ARID1B: variants seen among roughly 807,000 people sequenced by gnomAD.
ARID1B encodes AT-rich interaction domain 1B, also known as AT-rich interactive domain-containing protein 1B.
Under a neutral mutation model 212.3 loss-of-function variants are expected in ARID1B, and 30 were observed. The ratio of observed to expected loss-of-function variants is 0.14; its 90% confidence interval spans 0.11 to 0.19. The LOEUF (loss-of-function observed/expected upper bound fraction) is 0.19, where lower values mean the gene tolerates loss of function less well. Ranked by LOEUF, ARID1B falls within the 10% of genes least tolerant of loss-of-function variation. ARID1B has a pLI of 1.00. For synonymous variants in ARID1B, 1,402 were observed against 1,301.7 expected, an observed-to-expected ratio of 1.08 and a Z score of -1.66; for missense variants, 2,891 against 3,204.0, an observed-to-expected ratio of 0.90 and a Z score of 2.36.
chr6:157,039,468 C>T (rs1266906366), intron 4 of ARID1B, among the ~76,000 whole-genome samples: 3 of 151,182 alleles, frequency 2.0e-5, no homozygotes, highest in Non-Finnish European at 3.0e-5. Context: ...GTAGCTGGGA[C>T]TACAGGCGCC....
rs1202048112 is a variant in ARID1B, at chr6:157,210,100, TC to T, written c.*2210del. The T allele has an allele frequency of 4.3e-6, 1 of 232,584 alleles. No individual in the cohort carries two copies. The highest frequency in any genetic ancestry group is 8.5e-6 in the Non-Finnish European group (1 of 117,790). The allele number at this position is 232,584 out of a possible 1,614,324, so 14.4% of individuals were successfully genotyped here. A position where few individuals can be genotyped will look rare whatever the true frequency, so the allele number is the denominator to read the frequency against. On this transcript the variant is annotated 3_prime_UTR_variant, in exon 20 of 20. Coordinates refer to ENST00000636930, the MANE Select transcript of ARID1B (RefSeq NM_001374828.1). Reference sequence around the variant, plus strand: ...CTCTCCAGTGTCACGAGGAAAAAAATCATCTTTTCTGCAAACAGTCTCTCAT... The same window carrying T: ...CTCTCCAGTGTCACGAGGAAAAAAATATCTTTTCTGCAAACAGTCTCTCAT...
intron 3 of ARID1B, among the ~76,000 whole-genome samples, chr6:156,906,496 G>A (rs1220857940): frequency 6.3e-5 from 8 of 125,986 alleles, no homozygotes; most frequent in Admixed American, 1.1e-4. Flanking sequence ...GAGGAACTGA[G>A]ATCGTGCCAT....
In ARID1B at chr6:157,136,422, G is replaced by A. The variant is rs539309813; in HGVS notation, c.2761+3215G>A. On this transcript the variant is annotated intron_variant, in intron 7 of 19. Transcript: ENST00000636930. ...AACTGACTTACGAGGGGCCTCTCGC[G>A]TGGTCATTGGCGGTGTTGCTTCCCA... 3.7e-4 allele frequency among the ~76,000 whole-genome samples: 57 copies of A among 152,248 alleles called. 1 individual carries two copies. In the South Asian group the frequency reaches 8.1e-3, roughly 22 times the overall value.
At chr6:157,050,691 T>A (rs569068881) in intron 4 of ARID1B, among the ~76,000 whole-genome samples, 46 of 152,304 alleles carry the variant, frequency 3.0e-4, no homozygotes, top group Non-Finnish European at 5.3e-4. Flanking sequence ...AAAGTTAATT[T>A]TTTTGTTTTA....
intron 2 of ARID1B, among the ~76,000 whole-genome samples, chr6:156,872,596 C>T (rs192323836): frequency 6.6e-6 from 1 of 152,166 alleles, no homozygotes; most frequent in Non-Finnish European, 1.5e-5. Context: ...GCTGAGCCAC[C>T]TCCCAAGGTG....
At chr6:156,845,176 T>A (rs569018029) in intron 2 of ARID1B, among the ~76,000 whole-genome samples, 1 of 152,318 alleles carries the variant, frequency 6.6e-6, no homozygotes, top group Admixed American at 6.5e-5. Context: ...AGTAAGCACT[T>A]TGCATGTTGT....
intron 15 of ARID1B, among the ~76,000 whole-genome samples, chr6:157,193,083 A>G (rs780614831): frequency 2.0e-4 from 30 of 151,988 alleles, no homozygotes; most frequent in Non-Finnish European, 3.8e-4. Context: ...TCCTTACTTC[A>G]CTGATTGAGG....
At chr6:157,087,911 C>G (rs1785054288) in intron 5 of ARID1B, among the ~76,000 whole-genome samples, 1 of 152,124 alleles carries the variant, frequency 6.6e-6, no homozygotes, top group Admixed American at 6.5e-5. Flanking sequence ...AACAGAATTT[C>G]TACTGTTGTC....
At chr6:157,027,944 T>C (rs534289468) in intron 4 of ARID1B, among the ~76,000 whole-genome samples, 2 of 152,364 alleles carry the variant, frequency 1.3e-5, no homozygotes, top group East Asian at 3.9e-4. Context: ...TTTTTAAATG[T>C]AAGATTTTCC....
chr6:156,907,523 T>C (rs1343677192), intron 3 of ARID1B, among the ~76,000 whole-genome samples: 1 of 152,152 alleles, frequency 6.6e-6, no homozygotes, highest in Non-Finnish European at 1.5e-5. Context: ...TAACATTTGT[T>C]TTAGGTTTCT....
At chr6:156,991,420 T>C (rs1451360034) in intron 4 of ARID1B, among the ~76,000 whole-genome samples, 1 of 152,024 alleles carries the variant, frequency 6.6e-6, no homozygotes, top group East Asian at 1.9e-4. Context: ...TTAGTAGAGA[T>C]GGGGTTTCAC....
At chr6:157,024,378 A>G (rs1349717766) in intron 4 of ARID1B, 3 of 152,284 alleles carry the variant, frequency 2.0e-5, no homozygotes, top group South Asian at 2.1e-4. Context: ...GCAGATTTGT[A>G]TGAACAAAAT....
At chr6:157,146,606 T>G (rs1789742364) in intron 7 of ARID1B, among the ~76,000 whole-genome samples, 1 of 152,186 alleles carries the variant, frequency 6.6e-6, no homozygotes, top group South Asian at 2.1e-4. Context: ...CTTGCTGCTT[T>G]ACTGCACACA....
chr6:156,893,646 T>C (rs75280925), intron 2 of ARID1B, among the ~76,000 whole-genome samples: 2,956 of 152,128 alleles, frequency 0.019, 51 homozygotes, highest in Admixed American at 0.038. Context: ...CCAAAGAAGA[T>C]ATATACATGG....
intron 1 of ARID1B, among the ~76,000 whole-genome samples, chr6:156,799,961 A>G (rs1403681067): frequency 6.6e-6 from 1 of 152,172 alleles, no homozygotes; most frequent in African/African-American, 2.4e-5. Flanking sequence ...CCTAGGTGAC[A>G]TGGCTCTAAG....
At chr6:157,152,882 T>C (rs954560846) in intron 8 of ARID1B, among the ~76,000 whole-genome samples, 1 of 152,216 alleles carries the variant, frequency 6.6e-6, no homozygotes, top group Non-Finnish European at 1.5e-5. Flanking sequence ...TTCACAGAGC[T>C]TGTCAGAATG....
rs146228398 is a variant in ARID1B at position 156,860,289 on chromosome 6, A to G, written c.1986+30868A>G. 6.1e-3 allele frequency among the ~76,000 whole-genome samples: 927 copies of G among 152,056 alleles called. 6 individuals carry two copies. The highest frequency in any genetic ancestry group is 0.011 in the Non-Finnish European group (740 of 67,980). On this transcript the variant is annotated intron_variant, in intron 2 of 19. Transcript: ENST00000636930. ...ATGTTCAGAATTTATTATAGATAAT[A>G]TAGAGGAAGGATTTTGAATTGTTCA...
At chr6:156,879,458 C>T (rs538436817) in intron 2 of ARID1B, among the ~76,000 whole-genome samples, 66 of 152,170 alleles carry the variant, frequency 4.3e-4, no homozygotes, top group Non-Finnish European at 7.8e-4. Flanking sequence ...ATGAGAGTAT[C>T]GTAAATTAAG....
Position 156,777,865 on chromosome 6 carries a change from G to T in ARID1B, c.185G>T (p.Gly62Val), listed in dbSNP as rs1778738079. 7.4e-7 allele frequency: 1 copy of T among 1,345,264 alleles called. No individual in the cohort carries two copies. Among genetic ancestry groups the T allele is most frequent in the East Asian group, 3.1e-5 (1 of 32,104 alleles). The allele number at this position is 1,345,264 out of a possible 1,614,324, so 83.3% of individuals were successfully genotyped here. Residue 62 changes from glycine to valine, a missense_variant, in exon 1 of 20, where the codon GGC (glycine) becomes GTC (valine). Around this residue, in one of 7 missense-constraint regions of ARID1B, gnomAD observed 1,643 missense variants for 1,544.0 expected, o/e 1.06. Transcript: ENST00000636930. The part of the protein sequence containing the change: ...AAPGPMLGGG[G>V]DGGGGLNSVH... ...CCGGGACCCATGCTGGGGGGCGGCG[G>T]CGACGGCGGCGGCGGCCTGAACAGT...
Sources: gnomAD v4.1 joint callset for allele counts (sites outside exome capture counted in the v4.1 genomes callset) on GRCh38, gnomAD v4.1.1 for gene constraint, gnomAD v4.1.1 regional missense constraint, MANE v1.5 for transcripts, NCBI Gene and HGNC (gene_info 2026-07-23, HGNC 2026-07-21) for gene names.